Variants in PDE4D observed in about 807,000 individuals in gnomAD.
The protein encoded by PDE4D is 3',5'-cyclic-AMP phosphodiesterase 4D.
A neutral mutation model predicts 87.4 loss-of-function variants in PDE4D; 24 were observed. The ratio of observed to expected loss-of-function variants is 0.27; its 90% CI spans 0.20 to 0.39. The LOEUF (loss-of-function observed/expected upper bound fraction) is 0.39. Among genes scored for constraint, PDE4D ranks in the 10% least tolerant of loss-of-function variants. The pLI is 1.00. For synonymous variants in PDE4D, 384 were observed against 383.2 expected, an observed-to-expected ratio of 1.00 and a Z score of -0.02; for missense variants, 714 against 1,041.0, an observed-to-expected ratio of 0.69 and a Z score of 4.32.
At chr5:59,686,087 C>T (rs1181221900) in intron 1 of PDE4D, among the ~76,000 whole-genome samples, 2 of 152,128 alleles carry the variant, frequency 1.3e-5, no homozygotes, top group South Asian at 4.1e-4. Context: ...TATGACACAA[C>T]AGGCCAGATG....
chr5:59,787,413 T>G (rs1765296022), intron 1 of PDE4D, among the ~76,000 whole-genome samples: 1 of 152,246 alleles, frequency 6.6e-6, no homozygotes, highest in South Asian at 2.1e-4. Context: ...TCACTTGCTT[T>G]GGGAATACTT....
chr5:59,178,773 T>C (rs958238889), intron 5 of PDE4D, among the ~76,000 whole-genome samples: 6 of 152,184 alleles, frequency 3.9e-5, no homozygotes, highest in Non-Finnish European at 8.8e-5. Context: ...GGGACCAAAA[T>C]AGCACTGCAT....
chr5:59,387,697 T>C lies in PDE4D; in HGVS notation c.456-171729A>G, dbSNP rs1218943224. Among the ~76,000 whole-genome samples the C allele has an allele frequency of 2.0e-5, 3 of 152,136 alleles. No individual in the cohort carries two copies. In the East Asian group the frequency reaches 5.8e-4, roughly 29 times the overall value. Reference sequence around the variant, plus strand: ...CAAATAAGAATGTATATATTTATGATGTAAAACATTTTATTTACATAGATG... The same window carrying C: ...CAAATAAGAATGTATATATTTATGACGTAAAACATTTTATTTACATAGATG... On this transcript the variant is annotated intron_variant, in intron 1 of 14. Coordinates refer to ENST00000340635, the MANE Select transcript of PDE4D (RefSeq NM_001104631.2).
chr5:59,574,140 A>T (rs796351947), intron 1 of PDE4D, among the ~76,000 whole-genome samples: 1 of 4,070 alleles, frequency 2.5e-4, no homozygotes, highest in African/African-American at 4.7e-4. Context: ...ATATATATAT[A>T]TATAAATATA....
intron 2 of PDE4D, among the ~76,000 whole-genome samples, chr5:60,117,247 A>G (rs17442232): frequency 0.14 from 21,327 of 151,908 alleles, 1,543 homozygotes; most frequent in Middle Eastern, 0.22. Context: ...TTGATCTGTC[A>G]TTTTTTCACT....
At chr5:58,989,053 G>A (rs185774272) in intron 10 of PDE4D, among the ~76,000 whole-genome samples, 26 of 152,160 alleles carry the variant, frequency 1.7e-4, no homozygotes, top group Non-Finnish European at 2.9e-4. Flanking sequence ...TGCATTGTAG[G>A]ATTTTTAGCA....
chr5:59,030,332 TAGTA>T (rs1757120366), intron 6 of PDE4D, among the ~76,000 whole-genome samples: 1 of 137,420 alleles, frequency 7.3e-6, no homozygotes, highest in South Asian at 2.2e-4. Flanking sequence ...AACAACCAAA[TAGTA>T]AGAAAACAAA....
chr5:60,505,465 A>G (rs946494623), intron 1 of PDE4D, among the ~76,000 whole-genome samples: 1 of 152,214 alleles, frequency 6.6e-6, no homozygotes, highest in Non-Finnish European at 1.5e-5. Flanking sequence ...CCCAGAAAGC[A>G]TATCAACGTA....
intron 2 of PDE4D, among the ~76,000 whole-genome samples, chr5:60,086,741 A>G (rs1329472927): frequency 1.3e-5 from 2 of 152,230 alleles, no homozygotes; most frequent in Non-Finnish European, 2.9e-5. Context: ...GGGAATCTTC[A>G]TGGGAAGCCC....
At chr5:59,768,846 C>T (rs1369360426) in intron 1 of PDE4D, among the ~76,000 whole-genome samples, 2 of 152,192 alleles carry the variant, frequency 1.3e-5, no homozygotes, top group East Asian at 3.9e-4. Context: ...ACTAATGCGC[C>T]GCAGCTGCGC....
At chr5:59,034,538 T>A (rs1353482613) in intron 6 of PDE4D, among the ~76,000 whole-genome samples, 1 of 152,148 alleles carries the variant, frequency 6.6e-6, no homozygotes, top group Non-Finnish European at 1.5e-5. Flanking sequence ...AGAAAATACA[T>A]CAACAAAAAG....
At chr5:60,027,983 C>T (rs560936481) in intron 2 of PDE4D, among the ~76,000 whole-genome samples, 4 of 152,266 alleles carry the variant, frequency 2.6e-5, no homozygotes, top group East Asian at 3.9e-4. Flanking sequence ...ATGCCTGATA[C>T]GATCATGTCC....
At chr5:60,357,893 C>A (rs779573199) in intron 1 of PDE4D, among the ~76,000 whole-genome samples, 18 of 152,190 alleles carry the variant, frequency 1.2e-4, no homozygotes, top group Non-Finnish European at 2.1e-4. Context: ...TATTTCACAT[C>A]TCCACTTACC....
At chr5:59,366,478 C>T (rs1783077788) in intron 1 of PDE4D, among the ~76,000 whole-genome samples, 1 of 152,082 alleles carries the variant, frequency 6.6e-6, no homozygotes, top group Non-Finnish European at 1.5e-5. Context: ...AAGTTTTATT[C>T]CAGGTTAGTC....
At chr5:59,068,712 A>G (rs1764300134) in intron 5 of PDE4D, among the ~76,000 whole-genome samples, 1 of 152,192 alleles carries the variant, frequency 6.6e-6, no homozygotes, top group South Asian at 2.1e-4. Context: ...AGTTTTTGAA[A>G]AAGAAGGGGC....
At chr5:59,530,582 T>C (rs1814025841) in intron 1 of PDE4D, among the ~76,000 whole-genome samples, 1 of 151,754 alleles carries the variant, frequency 6.6e-6, no homozygotes, top group Non-Finnish European at 1.5e-5. Flanking sequence ...AGTCTGTACA[T>C]GTTCAGTATA....
chr5:59,814,463 C>T (rs1408970052), intron 1 of PDE4D, among the ~76,000 whole-genome samples: 1 of 152,182 alleles, frequency 6.6e-6, no homozygotes, highest in Non-Finnish European at 1.5e-5. Context: ...TAGGGGCCAG[C>T]TTCCTAAGAC....
chr5:59,203,513 T>C (rs1359243255), intron 2 of PDE4D, among the ~76,000 whole-genome samples: 2 of 152,096 alleles, frequency 1.3e-5, no homozygotes, highest in South Asian at 4.1e-4. Flanking sequence ...ATGAAATCAG[T>C]ATGTCAAAGA....
At chr5:58,980,701 C>A (rs1339280579) in intron 11 of PDE4D, among the ~76,000 whole-genome samples, 1 of 142,728 alleles carries the variant, frequency 7.0e-6, no homozygotes, top group Non-Finnish European at 1.6e-5. Flanking sequence ...GAAGGGTGGG[C>A]AGGTACTACC....
Sources: allele counts gnomAD v4.1 joint callset (sites outside exome capture counted in the v4.1 genomes callset), GRCh38; gene constraint gnomAD v4.1.1; transcripts MANE v1.5; gene names NCBI Gene and HGNC (gene_info 2026-07-23, HGNC 2026-07-21).